The following CNTN3 variants were observed in gnomAD, a reference collection of about 807,000 sequenced individuals.
The protein encoded by CNTN3 is contactin 3.
Under a neutral mutation model 119.1 loss-of-function variants are expected in CNTN3, and 60 were observed. The observed-to-expected ratio is 0.50, with a 90% CI of 0.41 to 0.62. The LOEUF is 0.62. CNTN3 is among the 20% of genes least tolerant of loss of function. CNTN3 has a pLI of 0.00. For missense variants in CNTN3, 1,101 were observed against 1,242.4 expected, an observed-to-expected ratio of 0.89 and a Z score of 1.71; for synonymous variants, 450 against 438.7, an observed-to-expected ratio of 1.03 and a Z score of -0.32.
chr3:74,440,749 C>T (rs1224210397), intron 4 of CNTN3, among the ~76,000 whole-genome samples: 1 of 151,962 alleles, frequency 6.6e-6, no homozygotes, highest in Non-Finnish European at 1.5e-5. Flanking sequence ...GTTTGCTGCC[C>T]CTATCAACCC....
intron 1 of CNTN3, among the ~76,000 whole-genome samples, chr3:74,567,092 G>A (rs1302627775): frequency 6.6e-6 from 1 of 151,982 alleles, no homozygotes; most frequent in Non-Finnish European, 1.5e-5. Context: ...TGTACAAGGG[G>A]CCACATAATG....
intron 1 of CNTN3, among the ~76,000 whole-genome samples, chr3:74,553,569 C>A (rs751747759): frequency 6.6e-6 from 1 of 152,180 alleles, no homozygotes; most frequent in Non-Finnish European, 1.5e-5. Flanking sequence ...AAAAGCATTC[C>A]ATTTTTTCCA....
chr3:74,362,038 A>T lies in CNTN3; in HGVS notation c.1216T>A (p.Ser406Thr). The T allele has an allele frequency of 6.2e-7, 1 of 1,613,228 alleles. No homozygotes were observed. The highest frequency in any genetic ancestry group is 8.5e-7 in the Non-Finnish European group (1 of 1,179,508). ...YSSAELKVVA[S>T]APDFSKNPMK... ...GGATTCTTTGAAAAATCTGGAGCAGAAGCTGAAAGGCAAGAAAGGAGAGAA... is the reference window on the plus strand; with the variant it reads ...GGATTCTTTGAAAAATCTGGAGCAGTAGCTGAAAGGCAAGAAAGGAGAGAA... Residue 406 changes from serine (S) to threonine (T), a missense_variant and splice_region_variant, in exon 11 of 23, where the codon TCT becomes ACT. Transcript: ENST00000263665.
At chr3:74,523,012 T>G (rs1399626618) in intron 1 of CNTN3, among the ~76,000 whole-genome samples, 1 of 151,758 alleles carries the variant, frequency 6.6e-6, no homozygotes, top group Non-Finnish European at 1.5e-5. Context: ...CCTCAATCAA[T>G]CATTATACTG....
chr3:74,492,587 A>G (rs111446714), intron 3 of CNTN3, among the ~76,000 whole-genome samples: 1 of 152,228 alleles, frequency 6.6e-6, no homozygotes, highest in Admixed American at 6.5e-5. Context: ...AATAGAAAGC[A>G]TAATATACCT....
At chr3:74,360,563 C>T (rs1331392369) in intron 11 of CNTN3, among the ~76,000 whole-genome samples, 2 of 152,146 alleles carry the variant, frequency 1.3e-5, no homozygotes, top group Admixed American at 1.3e-4. Context: ...TGACCTAAAA[C>T]AACATCAATT....
Position 74,304,720 on chromosome 3 carries a change from G to T in CNTN3, c.1669-1913C>A, listed in dbSNP as rs117713295. Among the ~76,000 whole-genome samples the T allele has an allele frequency of 1.2e-4, 18 of 152,210 alleles. No individual in the cohort carries two copies. The East Asian group carries it at 2.5e-3, about 21-fold the overall frequency. ...AAATAGCTGCATCATAAAAAATGAA[G>T]CCATCTTCCTAAAGAAATGTAGTCA... On this transcript the variant is annotated intron_variant, in intron 13 of 22. Transcript: ENST00000263665.
intron 8 of CNTN3, among the ~76,000 whole-genome samples, chr3:74,368,794 C>A (rs1575665416): frequency 6.7e-6 from 1 of 149,096 alleles, no homozygotes; most frequent in African/African-American, 2.5e-5. Flanking sequence ...CAACTTTTCC[C>A]AAAAGGCAGT....
intron 11 of CNTN3, among the ~76,000 whole-genome samples, chr3:74,341,293 A>C (rs150728650): frequency 6.6e-6 from 1 of 152,302 alleles, no homozygotes; most frequent in African/African-American, 2.4e-5. Flanking sequence ...TTCCCTACAG[A>C]GATTCAAAGT....
chr3:74,316,665 T>C (rs949214056), intron 13 of CNTN3, among the ~76,000 whole-genome samples: 16 of 151,966 alleles, frequency 1.1e-4, no homozygotes, highest in Non-Finnish European at 2.1e-4. Context: ...ATGAAAAAGA[T>C]GAAATCATGG....
At chr3:74,560,213 A>G (rs1704132762) in intron 1 of CNTN3, among the ~76,000 whole-genome samples, 1 of 152,216 alleles carries the variant, frequency 6.6e-6, no homozygotes, top group Non-Finnish European at 1.5e-5. Context: ...TAGAACAGGA[A>G]TAACAATGGC....
At chr3:74,467,588 A>G (rs1702487833) in intron 4 of CNTN3, among the ~76,000 whole-genome samples, 1 of 148,674 alleles carries the variant, frequency 6.7e-6, no homozygotes. Context: ...CCTAAAAATT[A>G]TGGTACATGA....
chr3:74,393,536 A>G (rs1704967544), intron 5 of CNTN3, among the ~76,000 whole-genome samples: 1 of 152,244 alleles, frequency 6.6e-6, no homozygotes, highest in African/African-American at 2.4e-5. Flanking sequence ...GCTAACACTT[A>G]AACCAAAATG....
chr3:74,509,494 C>T (rs1020518665), intron 2 of CNTN3, among the ~76,000 whole-genome samples: 2 of 152,058 alleles, frequency 1.3e-5, no homozygotes, highest in African/African-American at 4.8e-5. Context: ...GACGGGGTTT[C>T]GCCATGTTGG....
chr3:74,542,798 A>G (rs1703860250), intron 1 of CNTN3, among the ~76,000 whole-genome samples: 1 of 136,296 alleles, frequency 7.3e-6, no homozygotes, highest in African/African-American at 2.8e-5. Context: ...AAGTTCTCTC[A>G]TGGCTTTATA....
At chr3:74,294,904 T>C (rs903078822) in intron 19 of CNTN3, among the ~76,000 whole-genome samples, 1 of 152,242 alleles carries the variant, frequency 6.6e-6, no homozygotes, top group Non-Finnish European at 1.5e-5. Flanking sequence ...TTTCCTTTCA[T>C]ATTCTTTTTT....
At chr3:74,323,050 G>C (rs1316289162) in intron 13 of CNTN3, among the ~76,000 whole-genome samples, 1 of 152,168 alleles carries the variant, frequency 6.6e-6, no homozygotes, top group Non-Finnish European at 1.5e-5. Flanking sequence ...GCTATTCTGC[G>C]AGATACTACA....
chr3:74,544,376 T>C (rs554388330), intron 1 of CNTN3, among the ~76,000 whole-genome samples: 2 of 152,316 alleles, frequency 1.3e-5, no homozygotes, highest in East Asian at 3.9e-4. Context: ...CACGTCAGAA[T>C]GTTTGGCTTT....
chr3:74,303,158 T>C (rs1246861688), intron 13 of CNTN3, among the ~76,000 whole-genome samples: 3 of 152,154 alleles, frequency 2.0e-5, no homozygotes, highest in Non-Finnish European at 4.4e-5. Flanking sequence ...AGCTCAACTC[T>C]TTTCTCTGGT....
Sources: gnomAD v4.1 joint callset for allele counts (sites outside exome capture counted in the v4.1 genomes callset) on GRCh38, gnomAD v4.1.1 for gene constraint, MANE v1.5 for transcripts, NCBI Gene and HGNC (gene_info 2026-07-23, HGNC 2026-07-21) for gene names.